AHCTF1: variants seen among roughly 807,000 people sequenced by gnomAD.
AHCTF1 encodes protein ELYS.
A neutral mutation model predicts 248.4 loss-of-function variants in AHCTF1; 24 were observed. That is an observed-to-expected ratio of 0.10 (90% CI 0.07 to 0.14). The LOEUF (loss-of-function observed/expected upper bound fraction) is 0.14, where lower values mean the gene tolerates loss of function less well. AHCTF1 is among the 10% of genes least tolerant of loss of function. The probability of loss-of-function intolerance (pLI) is 1.00; values close to 1 mark genes in which losing one functional copy is unlikely to be tolerated. For missense variants in AHCTF1, 2,206 were observed against 2,636.2 expected, an observed-to-expected ratio of 0.84 and a Z score of 3.57; for synonymous variants, 786 against 929.8, an observed-to-expected ratio of 0.85 and a Z score of 2.81.
At chr1:246,907,787 T>TA in intron 4 of AHCTF1, 29 bp from the exon 5 acceptor site, 1 of 1,583,362 alleles carries the variant, frequency 6.3e-7, no homozygotes, top group Non-Finnish European at 8.6e-7. Flanking sequence ...CAAATGAAGT[T>TA]AAAAAACTAG....
At chr1:246,903,868 A>G (rs997486409) in intron 7 of AHCTF1, 81 bp downstream of exon 7, 102 of 1,114,624 alleles carry the variant, frequency 9.2e-5, no homozygotes, top group East Asian at 1.2e-4. Flanking sequence ...TCACTTTTCA[A>G]TATCTTAAAA....
At chr1:246,925,559 G>A (rs1035301507) in intron 1 of AHCTF1, among the ~76,000 whole-genome samples, 3 of 152,308 alleles carry the variant, frequency 2.0e-5, no homozygotes, top group African/African-American at 7.2e-5. Context: ...GTTGTAGGTT[G>A]CAGTAAGCTA....
chr1:246,923,965 T>C (rs1326184654), intron 1 of AHCTF1, among the ~76,000 whole-genome samples: 1 of 152,188 alleles, frequency 6.6e-6, no homozygotes, highest in African/African-American at 2.4e-5. Context: ...TGCTGCTGTT[T>C]TGGGAGAAAG....
intron 26 of AHCTF1, among the ~76,000 whole-genome samples, chr1:246,864,846 C>CAA (rs139015537): frequency 0.012 from 26 of 2,260 alleles, 7 homozygotes; most frequent in East Asian, 0.019. Flanking sequence ...GACTCCGTCT[C>CAA]AAAAAAAAAA....
At chr1:246,857,186 A>G (rs1010113742) in intron 30 of AHCTF1, among the ~76,000 whole-genome samples, 2 of 152,208 alleles carry the variant, frequency 1.3e-5, no homozygotes, top group Non-Finnish European at 2.9e-5. Flanking sequence ...CACTCTCACC[A>G]ATCTGCTTGA....
intron 4 of AHCTF1, 51 bp downstream of exon 4, chr1:246,913,181 A>G: frequency 1.4e-6 from 2 of 1,441,276 alleles, no homozygotes; most frequent in Non-Finnish European, 1.8e-6. Flanking sequence ...AAAATATTGC[A>G]TCAGAATATC....
intron 24 of AHCTF1, 42 bp downstream of exon 24, chr1:246,875,995 T>C: frequency 6.6e-7 from 1 of 1,522,290 alleles, no homozygotes; most frequent in Non-Finnish European, 8.9e-7. Context: ...CAGTATCTTT[T>C]TTGATCCAAT....
chr1:246,925,229 A>ACC (rs1229036620), intron 1 of AHCTF1, among the ~76,000 whole-genome samples: 1 of 152,240 alleles, frequency 6.6e-6, no homozygotes. Flanking sequence ...GCTAATGGAT[A>ACC]ATGAGCAAAA....
chr1:246,929,810 C>T (rs1040616713), intron 1 of AHCTF1, among the ~76,000 whole-genome samples: 8 of 152,158 alleles, frequency 5.3e-5, no homozygotes, highest in East Asian at 1.9e-4. Context: ...TCCCAGCACT[C>T]TGGGAGGCCA....
intron 14 of AHCTF1, among the ~76,000 whole-genome samples, chr1:246,892,207 A>G (rs1189077326): frequency 6.6e-6 from 1 of 151,692 alleles, no homozygotes; most frequent in Non-Finnish European, 1.5e-5. Context: ...TTAATGACAC[A>G]TTTAGTTACA....
At chr1:246,929,989 T>C (rs1572487182) in intron 1 of AHCTF1, among the ~76,000 whole-genome samples, 1 of 149,734 alleles carries the variant, frequency 6.7e-6, no homozygotes, top group Admixed American at 6.7e-5. Context: ...GAGACGGAGG[T>C]TGCAGTGAGC....
At position 246,853,262 on chromosome 1, in the gene AHCTF1, C is replaced by T. The variant is rs372686736; in HGVS notation, c.4392G>A (p.Ser1464=). ...ADVLGDGGNS[S]LTISEGPIVS... is the part of the protein sequence containing the mutation. ...CAATAGGACCTTCAGAGATAGTGAG[C>T]GAGGAGTTTCCACCATCACCAAGGA... Residue 1464 remains serine (S), a synonymous_variant, in exon 32 of 36, where the codon TCG becomes TCA. Transcript: ENST00000648844. 2.2e-5 allele frequency: 35 copies of T among 1,613,320 alleles called. 1 individual carries two copies. The highest frequency in any genetic ancestry group is 5.5e-5 in the South Asian group (5 of 90,896).
At chr1:246,858,428 T>A (rs535862446) in intron 29 of AHCTF1, among the ~76,000 whole-genome samples, 2 of 152,328 alleles carry the variant, frequency 1.3e-5, no homozygotes, top group African/African-American at 4.8e-5. Context: ...AAGGTTATAC[T>A]GCGTATCCCA....
chr1:246,931,387 G>A (rs1320151489), intron 1 of AHCTF1, 191 bp downstream of exon 1: 65 of 1,509,216 alleles, frequency 4.3e-5, no homozygotes, highest in Admixed American at 8.3e-5. Flanking sequence ...CGAGCCTGCC[G>A]TACCCGCCAC....
intron 26 of AHCTF1, among the ~76,000 whole-genome samples, chr1:246,866,739 A>C (rs1162205715): frequency 6.6e-6 from 1 of 152,214 alleles, no homozygotes; most frequent in Non-Finnish European, 1.5e-5. Flanking sequence ...ATAATTATGA[A>C]CACTTTTCAA....
In AHCTF1 at chr1:246,839,566, T is replaced by C. The variant is rs1423108965; in HGVS notation, c.*1240A>G. 1 of 985,768 alleles carries C rather than the reference T, an allele frequency of 1.0e-6. No homozygotes were observed. The highest frequency in any genetic ancestry group is 1.2e-6 in the Non-Finnish European group (1 of 829,928). The allele number at this position is 985,768 out of a possible 1,614,324, so 61.1% of individuals were successfully genotyped here. A position where few individuals can be genotyped will look rare whatever the true frequency, so the allele number is the denominator to read the frequency against. On this transcript the variant is annotated 3_prime_UTR_variant, in exon 36 of 36. Transcript: ENST00000648844. ...GGCCGCACTCGCACTGCTTTCACAC[T>C]GTCAACACTTTGCGTAGGCATTTTC...
chr1:246,920,409 A>G (rs1370228815), intron 1 of AHCTF1, among the ~76,000 whole-genome samples: 1 of 152,202 alleles, frequency 6.6e-6, no homozygotes, highest in Non-Finnish European at 1.5e-5. Context: ...CTCAATGGGT[A>G]TAAAAATTCA....
chr1:246,846,476 A>AAGGCTCAT (rs1036179208), intron 33 of AHCTF1, among the ~76,000 whole-genome samples: 3 of 152,046 alleles, frequency 2.0e-5, no homozygotes, highest in African/African-American at 7.3e-5. Context: ...AGGAGGAAAC[A>AAGGCTCAT]AGGCTCATAA....
intron 17 of AHCTF1, among the ~76,000 whole-genome samples, chr1:246,888,814 G>C (rs1395951276): frequency 6.6e-6 from 1 of 152,132 alleles, no homozygotes; most frequent in Non-Finnish European, 1.5e-5. Context: ...GGAGGATAAG[G>C]AAGGAGGATC....
Sources: gnomAD v4.1 joint callset for allele counts (sites outside exome capture counted in the v4.1 genomes callset) on GRCh38, gnomAD v4.1.1 for gene constraint, MANE v1.5 for transcripts, NCBI Gene and HGNC (gene_info 2026-07-23, HGNC 2026-07-21) for gene names.